Variants in HIF1A observed in about 807,000 individuals in gnomAD.
HIF1A encodes the protein hypoxia inducible factor 1 subunit alpha.
HIF1A carries 24 observed loss-of-function variants against 92.7 expected under a neutral mutation model. The observed-to-expected ratio is 0.26, with a 90% CI of 0.19 to 0.36. The LOEUF (loss-of-function observed/expected upper bound fraction) is 0.36. Ranked by LOEUF, HIF1A falls within the 10% of genes least tolerant of loss-of-function variation. The probability of loss-of-function intolerance (pLI) is 1.00; values close to 1 mark genes in which losing one functional copy is unlikely to be tolerated. For synonymous variants in HIF1A, 319 were observed against 338.7 expected (o/e 0.94, Z 0.64); for missense variants, 799 against 998.5 (o/e 0.80, Z 2.69).
At chr14:61,743,981 C>G (rs1209678435) in intron 12 of HIF1A, among the ~76,000 whole-genome samples, 3 of 152,074 alleles carry the variant, frequency 2.0e-5, no homozygotes, top group Non-Finnish European at 4.4e-5. Context: ...ATATGCCTGC[C>G]TTATCTGTCT....
intron 1 of HIF1A, among the ~76,000 whole-genome samples, chr14:61,718,161 T>C (rs968265207): frequency 2.6e-5 from 4 of 152,140 alleles, no homozygotes; most frequent in African/African-American, 7.2e-5. Context: ...TATAAAATTC[T>C]GAACACTTTG....
chr14:61,702,596 T>C (rs1333706368), intron 1 of HIF1A, among the ~76,000 whole-genome samples: 5 of 152,220 alleles, frequency 3.3e-5, no homozygotes, highest in Admixed American at 3.3e-4. Flanking sequence ...GGGGTTTATT[T>C]TCTTTGCTTT....
chr14:61,709,836 G>A (rs2044286198), intron 1 of HIF1A, among the ~76,000 whole-genome samples: 1 of 152,124 alleles, frequency 6.6e-6, no homozygotes, highest in African/African-American at 2.4e-5. Context: ...TATACAGTAG[G>A]AAAGAAATAT....
Position 61,695,848 on chromosome 14 carries a change from A to AT in HIF1A, c.35+11dup, listed in dbSNP as rs781025713. ...GCGAACGACAAGAAAAAGTAAGCCC[A>AT]TTCCCTCGGCCCGCCGCCTTCTCCC... On this transcript the variant is annotated intron_variant, in intron 1 of 14. Transcript: ENST00000337138. 1 of 1,575,546 alleles carries AT rather than the reference A, an allele frequency of 6.3e-7. No individual in the cohort carries two copies. The highest frequency in any genetic ancestry group is 1.2e-5 in the South Asian group (1 of 85,866).
chr14:61,745,807 A>C lies in HIF1A; in HGVS notation c.2319A>C (p.Leu773Phe), dbSNP rs1206242034. 1.2e-6 allele frequency: 2 copies of C among 1,610,332 alleles called. No homozygotes were observed. The highest frequency in any genetic ancestry group is 1.7e-6 in the Non-Finnish European group (2 of 1,177,728). ...QNGMEQKTII[L>F]IPSDLACRLL... is the part of the protein sequence containing the mutation. The stretch of plus-strand genomic sequence containing the variant: ...GAATGGAGCAAAAGACAATTATTTT[A>C]ATACCCTCTGGTTAGTTTATTCTTT... Residue 773 changes from leucine (L) to phenylalanine (F), a missense_variant, in exon 14 of 15, where the codon TTA becomes TTC. Around this residue, in one of 2 missense-constraint regions of HIF1A, gnomAD observed 283 missense variants for 277.5 expected, o/e 1.02. Coordinates refer to ENST00000337138, the MANE Select transcript of HIF1A (RefSeq NM_001530.4).
intron 12 of HIF1A, among the ~76,000 whole-genome samples, chr14:61,743,865 G>A (rs928207402): frequency 4.6e-5 from 7 of 152,186 alleles, no homozygotes; most frequent in Admixed American, 3.3e-4. Context: ...GGGGAGGTAG[G>A]GATCTGGAGA....
chr14:61,737,148 G>A, intron 9 of HIF1A, 39 bp downstream of exon 9: 1 of 1,402,186 alleles, frequency 7.1e-7, no homozygotes, highest in East Asian at 2.3e-5. Context: ...AATTGTGTCT[G>A]TTGCTACAAG....
chr14:61,742,907 A>AAAAAAAAAAAAAAAAAAAAAAG lies in HIF1A; in HGVS notation c.2093+1719_2093+1720insAAAAAAAAAAAAAAAAAAAAAG, dbSNP rs71117851. ...TTTCAAAAAAAAAAAAAAAAAAAAA[A>AAAAAAAAAAAAAAAAAAAAAAG]GTTGTTGGACTGACAGATGCATGAA... is the stretch of plus-strand genomic sequence containing the variant. On this transcript the variant is annotated intron_variant, in intron 12 of 14. Transcript: ENST00000337138. Among the ~76,000 whole-genome samples, 2 of 105,918 alleles carry AAAAAAAAAAAAAAAAAAAAAAG rather than the reference A, an allele frequency of 1.9e-5. 1 individual carries two copies. The highest frequency in any genetic ancestry group is 3.6e-5 in the Non-Finnish European group (2 of 55,622). 69.5% of individuals were successfully genotyped at this position (105,918 alleles called of 152,430 possible).
intron 14 of HIF1A, 103 bp downstream of exon 14, chr14:61,745,920 C>CA (rs1169324603): frequency 9.0e-7 from 1 of 1,112,152 alleles, no homozygotes; most frequent in African/African-American, 1.6e-5. Context: ...GGTTCCTTAG[C>CA]AAGATTAAAA....
intron 1 of HIF1A, among the ~76,000 whole-genome samples, chr14:61,703,974 A>T (rs1412543565): frequency 2.6e-5 from 4 of 151,932 alleles, no homozygotes; most frequent in Non-Finnish European, 1.5e-5. Flanking sequence ...GAAAAAGATG[A>T]TCCTTTTCTC....
At position 61,721,645 on chromosome 14, in the gene HIF1A, A is replaced by T; in HGVS notation, c.363A>T (p.Gly121=). ...CTGATAATGTGAACAAATACATGGG[A>T]TTAACTCAGGTAAAATGCACACATA... ...YISDNVNKYM[G]LTQFELTGHS... The change falls in exon 3 of 15, where the codon GGA becomes GGT. Residue 121 remains glycine (G), a synonymous_variant. Transcript: ENST00000337138. 6.2e-7 allele frequency: 1 copy of T among 1,613,126 alleles called. No homozygotes were observed. The highest frequency in any genetic ancestry group is 8.5e-7 in the Non-Finnish European group (1 of 1,179,288).
At chr14:61,721,993 C>A (rs535749462) in intron 4 of HIF1A, among the ~76,000 whole-genome samples, 170 bp downstream of exon 4, 1 of 152,020 alleles carries the variant, frequency 6.6e-6, no homozygotes, top group East Asian at 1.9e-4. Context: ...TTAGGAATTT[C>A]ATTTTGAAAG....
At chr14:61,742,468 C>T (rs2044723683) in intron 12 of HIF1A, among the ~76,000 whole-genome samples, 1 of 152,152 alleles carries the variant, frequency 6.6e-6, no homozygotes, top group Non-Finnish European at 1.5e-5. Context: ...CTTTACATTA[C>T]TTTATTTACT....
At chr14:61,699,786 C>T (rs1303963529) in intron 1 of HIF1A, among the ~76,000 whole-genome samples, 1 of 152,068 alleles carries the variant, frequency 6.6e-6, no homozygotes, top group Admixed American at 6.6e-5. Flanking sequence ...CTGCTTAACT[C>T]TGGAAGGTTA....
At chr14:61,699,636 TAA>T (rs1164502992) in intron 1 of HIF1A, among the ~76,000 whole-genome samples, 1 of 152,182 alleles carries the variant, frequency 6.6e-6, no homozygotes, top group Non-Finnish European at 1.5e-5. Context: ...AAGATTAACA[TAA>T]GTCTGTTTCT....
intron 10 of HIF1A, chr14:61,740,062 A>ATTTTTTTTTTTTTTTTTTTTTTTTTTTT (rs36189686): frequency 1.1e-5 from 1 of 94,128 alleles, no homozygotes; most frequent in Non-Finnish European, 1.9e-5. Context: ...ATTTTCACAA[A>ATTTTTTTTTTTTTTTTTTTTTTTTTTTT]TTTTTTTTTT....
At chr14:61,738,434 T>C in intron 10 of HIF1A, 61 bp downstream of exon 10, 1 of 1,374,784 alleles carries the variant, frequency 7.3e-7, no homozygotes, top group Non-Finnish European at 1.0e-6. Flanking sequence ...CAAGAATGTA[T>C]TTATAAGTTT....
intron 4 of HIF1A, among the ~76,000 whole-genome samples, chr14:61,723,260 T>C (rs1402068010): frequency 1.4e-5 from 2 of 141,504 alleles, no homozygotes; most frequent in Non-Finnish European, 3.1e-5. Context: ...GTTCTTCCTA[T>C]TTTATATGCT....
chr14:61,705,176 A>G (rs182083299), intron 1 of HIF1A, among the ~76,000 whole-genome samples: 30 of 152,234 alleles, frequency 2.0e-4, no homozygotes, highest in Admixed American at 1.2e-3. Context: ...CAGTGACCTC[A>G]GTCTGAGTAT....
Sources: gnomAD v4.1 joint callset for allele counts (sites outside exome capture counted in the v4.1 genomes callset) on GRCh38, gnomAD v4.1.1 for gene constraint, gnomAD v4.1.1 regional missense constraint, MANE v1.5 for transcripts, NCBI Gene and HGNC (gene_info 2026-07-23, HGNC 2026-07-21) for gene names.